Variants in NR2C1 observed in about 807,000 individuals in gnomAD.
NR2C1 encodes the protein nuclear receptor subfamily 2 group C member 1.
In NR2C1, 33 loss-of-function variants were observed where a neutral mutation model predicts 74.8. The observed-to-expected ratio is 0.44, with a 90% CI of 0.33 to 0.59. NR2C1 has a LOEUF of 0.59. NR2C1 is among the 20% of genes least tolerant of loss of function. The probability of loss-of-function intolerance (pLI) is 0.02; values close to 1 mark genes in which losing one functional copy is unlikely to be tolerated. For missense variants in NR2C1, 568 were observed against 715.6 expected (o/e 0.79, Z 2.35); for synonymous variants, 225 against 240.6 (o/e 0.94, Z 0.60).
intron 3 of NR2C1, among the ~76,000 whole-genome samples, chr12:95,060,943 A>G (rs1355990692): frequency 6.6e-6 from 1 of 152,200 alleles, no homozygotes; most frequent in Non-Finnish European, 1.5e-5. Flanking sequence ...TAGATGTCCT[A>G]TGAAAGCATC....
At chr12:95,030,917 T>A in intron 11 of NR2C1, 2 of 1,451,756 alleles carry the variant, frequency 1.4e-6, no homozygotes, top group Non-Finnish European at 1.9e-6. Flanking sequence ...TCCTGACTCT[T>A]CAGAACTATT....
At chr12:95,033,269 T>C (rs1347449566) in intron 10 of NR2C1, among the ~76,000 whole-genome samples, 1 of 152,104 alleles carries the variant, frequency 6.6e-6, no homozygotes, top group East Asian at 1.9e-4. Flanking sequence ...AAGTATTTTA[T>C]ATAAATATAC....
At chr12:95,039,001 A>C (rs139085080) in intron 10 of NR2C1, among the ~76,000 whole-genome samples, 5,229 of 152,284 alleles carry the variant, frequency 0.034, 165 homozygotes, top group Middle Eastern at 0.095. Context: ...GGAGGCATCC[A>C]TATAGGAGGA....
chr12:95,072,472 A>AG (rs1232700667), intron 1 of NR2C1, among the ~76,000 whole-genome samples: 3 of 147,424 alleles, frequency 2.0e-5, no homozygotes, highest in African/African-American at 8.0e-5. Context: ...AAAAAAAAAA[A>AG]AAGAAAAAAA....
intron 9 of NR2C1, among the ~76,000 whole-genome samples, chr12:95,041,094 T>C (rs1048470071): frequency 2.6e-5 from 4 of 152,132 alleles, no homozygotes; most frequent in African/African-American, 7.2e-5. Flanking sequence ...CAGCTGTGAA[T>C]TGAATTCAGT....
chr12:95,035,017 T>C (rs1458050213), intron 10 of NR2C1, among the ~76,000 whole-genome samples: 1 of 152,066 alleles, frequency 6.6e-6, no homozygotes, highest in Non-Finnish European at 1.5e-5. Flanking sequence ...CTGGATATAA[T>C]AACAAAGAAA....
intron 1 of NR2C1, among the ~76,000 whole-genome samples, chr12:95,070,764 A>C (rs1171263282): frequency 6.6e-6 from 1 of 152,140 alleles, no homozygotes; most frequent in African/African-American, 2.4e-5. Flanking sequence ...CACAATGGAG[A>C]GTTCTTTTAT....
chr12:95,046,508 A>G (rs756942174), intron 9 of NR2C1, among the ~76,000 whole-genome samples: 14 of 152,106 alleles, frequency 9.2e-5, no homozygotes, highest in Non-Finnish European at 1.9e-4. Context: ...GAATCCCTTG[A>G]GCCCAGGAGG....
chr12:95,067,203 G>A (rs1875842078), intron 2 of NR2C1, 128 bp downstream of exon 2: 5 of 773,316 alleles, frequency 6.5e-6, no homozygotes, highest in South Asian at 3.1e-5. Context: ...CTATCTCTCA[G>A]TAGCTTGAAA....
intron 2 of NR2C1, among the ~76,000 whole-genome samples, chr12:95,064,740 A>AAAT (rs1305367393): frequency 6.6e-6 from 1 of 152,246 alleles, no homozygotes; most frequent in African/African-American, 2.4e-5. Context: ...AACATCATTA[A>AAAT]GCCAATTAAA....
intron 12 of NR2C1, among the ~76,000 whole-genome samples, chr12:95,027,020 C>T (rs532991978): frequency 3.3e-5 from 5 of 152,116 alleles, no homozygotes; most frequent in East Asian, 3.9e-4. Context: ...CAAATGTTGA[C>T]GTGACAACAG....
At chr12:95,042,948 A>AC (rs1871781278) in intron 9 of NR2C1, among the ~76,000 whole-genome samples, 1 of 151,536 alleles carries the variant, frequency 6.6e-6, no homozygotes, top group Non-Finnish European at 1.5e-5. Flanking sequence ...AAAAAAAAAA[A>AC]AAACCGACAC....
chr12:95,063,592 G>A (rs1875123027), intron 2 of NR2C1, among the ~76,000 whole-genome samples: 2 of 151,994 alleles, frequency 1.3e-5, no homozygotes, highest in South Asian at 4.1e-4. Context: ...TATAATCCCA[G>A]CTACTTGGGA....
rs563005960 is a variant in NR2C1, at chr12:95,044,263, G to A, written c.1132-3666C>T. The stretch of plus-strand genomic sequence containing the variant: ...GTATTGAAATCTTATAACAGCCTGC[G>A]TGATATAGCTTTTTTTTTTTTTGAG... On this transcript the variant is annotated intron_variant, in intron 9 of 13. Coordinates refer to ENST00000333003, the MANE Select transcript of NR2C1 (RefSeq NM_003297.4). 2.7e-3 allele frequency among the ~76,000 whole-genome samples: 404 copies of A among 151,628 alleles called. 5 individuals carry two copies. Among genetic ancestry groups the A allele is most frequent in the African/African-American group, 8.7e-3 (361 of 41,402 alleles).
intron 13 of NR2C1, among the ~76,000 whole-genome samples, chr12:95,022,794 A>G (rs1868913500): frequency 6.6e-6 from 1 of 151,662 alleles, no homozygotes; most frequent in African/African-American, 2.4e-5. Context: ...CTTGGACTCA[A>G]GTGATCCTTC....
At chr12:95,032,304 TCAAA>T in intron 10 of NR2C1, among the ~76,000 whole-genome samples, 1 of 151,908 alleles carries the variant, frequency 6.6e-6, no homozygotes, top group Non-Finnish European at 1.5e-5. Context: ...ATTAGAAAGG[TCAAA>T]AGTTCTCTCC....
At chr12:95,039,819 T>C (rs1447609086) in intron 10 of NR2C1, among the ~76,000 whole-genome samples, 1 of 152,134 alleles carries the variant, frequency 6.6e-6, no homozygotes, top group Non-Finnish European at 1.5e-5. Flanking sequence ...TTTTTTCTTT[T>C]TGTAGAGACA....
At chr12:95,063,850 C>T (rs1398766440) in intron 2 of NR2C1, among the ~76,000 whole-genome samples, 1 of 150,720 alleles carries the variant, frequency 6.6e-6, no homozygotes, top group South Asian at 2.1e-4. Flanking sequence ...GCCAAAATGA[C>T]GAAACCCTGT....
intron 9 of NR2C1, among the ~76,000 whole-genome samples, chr12:95,048,287 C>T (rs1178737169): frequency 6.6e-6 from 1 of 152,126 alleles, no homozygotes; most frequent in Non-Finnish European, 1.5e-5. Flanking sequence ...ACAAATGGAG[C>T]TCTTTGTAGT....
Sources: allele counts gnomAD v4.1 joint callset (sites outside exome capture counted in the v4.1 genomes callset), GRCh38; gene constraint gnomAD v4.1.1; transcripts MANE v1.5; gene names NCBI Gene and HGNC (gene_info 2026-07-23, HGNC 2026-07-21).